Variants in CFAP20DC observed in about 807,000 individuals in gnomAD.
CFAP20DC encodes the protein CFAP20 domain containing.
CFAP20DC carries 84 observed loss-of-function variants against 101.7 expected under a neutral mutation model. That is an observed-to-expected ratio of 0.83 (90% CI 0.69 to 0.99). The LOEUF (loss-of-function observed/expected upper bound fraction) is 0.99, where lower values mean the gene tolerates loss of function less well. Among genes scored for constraint, CFAP20DC ranks in the 50% least tolerant of loss-of-function variants. The pLI is 0.00. For missense variants in CFAP20DC, 1,007 were observed against 970.3 expected (o/e 1.04, Z -0.50); for synonymous variants, 359 against 351.2 (o/e 1.02, Z -0.25).
chr3:58,983,418 A>T (rs1348658658), intron 4 of CFAP20DC, among the ~76,000 whole-genome samples: 1 of 152,166 alleles, frequency 6.6e-6, no homozygotes, highest in Non-Finnish European at 1.5e-5. Flanking sequence ...TAACAAACAA[A>T]ACATGTTTTT....
intron 10 of CFAP20DC, among the ~76,000 whole-genome samples, chr3:58,867,336 C>T (rs1473114482): frequency 2.6e-5 from 4 of 152,082 alleles, no homozygotes; most frequent in Non-Finnish European, 4.4e-5. Context: ...ACGTATTTGT[C>T]TAATGCTTTA....
At chr3:58,824,530 G>C (rs1292813076) in intron 14 of CFAP20DC, 1 of 152,016 alleles carries the variant, frequency 6.6e-6, no homozygotes, top group Non-Finnish European at 1.5e-5. Context: ...CGAAATGAAG[G>C]CTAAATAAAA....
At chr3:58,838,713 G>A (rs986605542) in intron 13 of CFAP20DC, among the ~76,000 whole-genome samples, 1 of 152,128 alleles carries the variant, frequency 6.6e-6, no homozygotes, top group Non-Finnish European at 1.5e-5. Context: ...TTTTCAGAAA[G>A]AATTCTCTGA....
intron 6 of CFAP20DC, among the ~76,000 whole-genome samples, chr3:58,893,694 G>A (rs1384070128): frequency 6.6e-6 from 1 of 151,936 alleles, no homozygotes; most frequent in Non-Finnish European, 1.5e-5. Flanking sequence ...GTTTGGAATA[G>A]TTTTATTAGA....
chr3:58,847,892 T>G (rs1283286682), intron 13 of CFAP20DC, among the ~76,000 whole-genome samples: 6 of 118,824 alleles, frequency 5.0e-5, no homozygotes, highest in African/African-American at 1.6e-4. Flanking sequence ...TTGGAAATCA[T>G]CATTCTCAGT....
intron 4 of CFAP20DC, among the ~76,000 whole-genome samples, chr3:58,948,179 A>G (rs2089610086): frequency 6.6e-6 from 1 of 152,226 alleles, no homozygotes; most frequent in Non-Finnish European, 1.5e-5. Flanking sequence ...GGACTGCCAC[A>G]ATGACAATAC....
downstream of CFAP20DC, among the ~76,000 whole-genome samples, chr3:58,716,456 C>A (rs2067401085): frequency 6.6e-6 from 1 of 152,022 alleles, no homozygotes; most frequent in Non-Finnish European, 1.5e-5. Flanking sequence ...AGCCACCGCG[C>A]CCGGCCTGCA....
chr3:58,761,515 G>A (rs932256350), intron 15 of CFAP20DC, among the ~76,000 whole-genome samples: 1 of 152,020 alleles, frequency 6.6e-6, no homozygotes, highest in Non-Finnish European at 1.5e-5. Flanking sequence ...TTTTTGAAGG[G>A]TTTTTTGTGT....
At chr3:58,887,302 T>C (rs1220813091) in intron 6 of CFAP20DC, 1 of 152,216 alleles carries the variant, frequency 6.6e-6, no homozygotes, top group Admixed American at 6.5e-5. Context: ...TGACATATAC[T>C]TCAAAACTCC....
rs995041962 is a variant in CFAP20DC, at chr3:58,912,751, T to G, written c.550+957A>C. On this transcript the variant is annotated intron_variant, in intron 6 of 16. Coordinates refer to ENST00000482387, the MANE Select transcript of CFAP20DC (RefSeq NM_001394063.1). The surrounding 1 kb of genome is among the most constrained non-coding windows in gnomAD (Gnocchi z 4.4). ...CCAGGGAGCTGAGTTACCTGCAGAG[T>G]ATATTTATAAATCAAATTATGAACA... 4.4e-6 allele frequency: 2 copies of G among 456,138 alleles called. No homozygotes were observed. Among genetic ancestry groups the G allele is most frequent in the African/African-American group, 4.0e-5 (2 of 50,006 alleles). 28.3% of individuals were successfully genotyped at this position (456,138 alleles called of 1,614,324 possible).
At chr3:58,956,228 T>G (rs1206962687) in intron 4 of CFAP20DC, among the ~76,000 whole-genome samples, 1 of 151,814 alleles carries the variant, frequency 6.6e-6, no homozygotes, top group African/African-American at 2.4e-5. Flanking sequence ...AGCATGTTCT[T>G]GGGGCCCACA....
At chr3:58,800,808 A>G (rs76735463) in intron 15 of CFAP20DC, among the ~76,000 whole-genome samples, 4,283 of 152,218 alleles carry the variant, frequency 0.028, 206 homozygotes, top group African/African-American at 0.096. Flanking sequence ...GAATGAAACA[A>G]TATCACTGTC....
At chr3:58,746,416 C>CA (rs1450309320) in intron 16 of CFAP20DC, among the ~76,000 whole-genome samples, 3 of 151,782 alleles carry the variant, frequency 2.0e-5, no homozygotes, top group Admixed American at 6.6e-5. Context: ...CCTATGTTTG[C>CA]AAAAAAGATA....
chr3:58,991,366 A>C (rs1316138937), intron 4 of CFAP20DC, among the ~76,000 whole-genome samples: 1 of 152,164 alleles, frequency 6.6e-6, no homozygotes, highest in Non-Finnish European at 1.5e-5. Context: ...CTACATATGA[A>C]ACAGCATGTT....
intron 15 of CFAP20DC, among the ~76,000 whole-genome samples, chr3:58,774,911 C>A (rs186084294): frequency 2.7e-4 from 41 of 152,264 alleles, no homozygotes; most frequent in Admixed American, 1.6e-3. Flanking sequence ...AATTCTCAAT[C>A]TTTTGAGGGT....
intron 4 of CFAP20DC, among the ~76,000 whole-genome samples, chr3:58,980,862 T>C (rs546514402): frequency 6.6e-5 from 10 of 152,226 alleles, no homozygotes; most frequent in East Asian, 1.9e-4. Flanking sequence ...CCAGGGCAAT[T>C]AGGCAGGAGA....
intron 3 of CFAP20DC, among the ~76,000 whole-genome samples, chr3:59,045,210 T>C (rs1370260275): frequency 6.6e-6 from 1 of 152,126 alleles, no homozygotes; most frequent in Admixed American, 6.5e-5. Context: ...ATCTAAAATA[T>C]GCATGTAGTA....
intron 14 of CFAP20DC, among the ~76,000 whole-genome samples, chr3:58,808,437 A>G (rs1373729078): frequency 6.6e-6 from 1 of 152,262 alleles, no homozygotes; most frequent in African/African-American, 2.4e-5. Context: ...AGAATTTTCA[A>G]CCCAGAATTT....
rs368104462 is a variant in CFAP20DC at position 58,852,126 on chromosome 3, CA to C, written c.1594-2718del. On this transcript the variant is annotated intron_variant, in intron 12 of 16. Transcript: ENST00000482387. ...TGGGCCACTCCAACCTCTTAGTAGC[CA>C]TTGCTCTGATTGTGCTTTGTCTTCA... 5.4e-3 allele frequency among the ~76,000 whole-genome samples: 824 copies of C among 152,158 alleles called. 7 individuals are homozygous for C. The highest frequency in any genetic ancestry group is 0.019 in the South Asian group (89 of 4,804).
Sources: allele counts gnomAD v4.1 joint callset (sites outside exome capture counted in the v4.1 genomes callset), GRCh38; gene constraint gnomAD v4.1.1; non-coding constraint Gnocchi (gnomAD v3.1); transcripts MANE v1.5; gene names NCBI Gene and HGNC (gene_info 2026-07-23, HGNC 2026-07-21).